ZNF469: variants seen among roughly 807,000 people sequenced by gnomAD.
ZNF469 encodes zinc finger protein 469.
Under a neutral mutation model 1.0 loss-of-function variants are expected in ZNF469, and 1 was observed. The observed-to-expected ratio is 1.00, with a 90% CI of 0.35 to 4.73. ZNF469 has a LOEUF of 4.73. Among genes scored for constraint, ZNF469 ranks in the 30% most tolerant of loss-of-function variants. ZNF469 has a pLI of 0.16. For synonymous variants in ZNF469, 2,703 were observed against 2,363.4 expected, an observed-to-expected ratio of 1.14 and a Z score of -4.17; for missense variants, 6,100 against 5,356.3, an observed-to-expected ratio of 1.14 and a Z score of -4.33.
At chr16:88,415,632 G>A (rs1213811721) in intron 1 of ZNF469, among the ~76,000 whole-genome samples, 1 of 152,228 alleles carries the variant, frequency 6.6e-6, no homozygotes, top group Non-Finnish European at 1.5e-5. Flanking sequence ...TCCAGGGGCA[G>A]GAGGACACGG....
intron 1 of ZNF469, among the ~76,000 whole-genome samples, chr16:88,387,261 C>A (rs565072900): frequency 1.3e-5 from 2 of 152,334 alleles, no homozygotes; most frequent in African/African-American, 4.8e-5. Context: ...GGCCTTGGCC[C>A]TCCTCAGGTG....
the ZNF469 span, among the ~76,000 whole-genome samples, chr16:88,324,286 T>C: frequency 6.6e-6 from 1 of 152,152 alleles, no homozygotes; most frequent in Admixed American, 6.5e-5. Flanking sequence ...GGCCAAGAAG[T>C]AAAAAGGTCC....
chr16:88,271,995 G>T, the ZNF469 span, among the ~76,000 whole-genome samples: 2 of 152,110 alleles, frequency 1.3e-5, no homozygotes, highest in African/African-American at 4.8e-5. Context: ...TGGTTGGGTA[G>T]TTGAATGGGT....
the ZNF469 span, among the ~76,000 whole-genome samples, chr16:88,343,977 T>C: frequency 6.6e-6 from 1 of 152,100 alleles, no homozygotes; most frequent in African/African-American, 2.4e-5. Context: ...TGAGTCCTTT[T>C]GATGGTGTGG....
rs1247638868 is a variant in ZNF469 at position 88,436,101 on chromosome 16, C to T, written c.8631C>T (p.Val2877=). 6.5e-7 allele frequency: 1 copy of T among 1,549,260 alleles called. No homozygotes were observed. The highest frequency in any genetic ancestry group is 2.0e-5 in the Admixed American group (1 of 51,016). Residue 2877 remains valine (V), a synonymous_variant, in exon 3 of 3, where the codon GTC becomes GTT. Transcript: ENST00000565624. ...TGACTAGAAAGAGGAACCCGCATGT[C>T]TACGGGAAGCGCTGTGAGAAGCCGG... ...GRLTRKRNPH[V]YGKRCEKPVL...
the ZNF469 span, among the ~76,000 whole-genome samples, chr16:88,213,342 G>C: frequency 1.3e-5 from 2 of 152,064 alleles, no homozygotes; most frequent in African/African-American, 4.8e-5. Context: ...CTCGTAATCC[G>C]CTCGCCTCGG....
chr16:88,226,685 C>T, the ZNF469 span, among the ~76,000 whole-genome samples: 1 of 151,950 alleles, frequency 6.6e-6, no homozygotes, highest in South Asian at 2.1e-4. Context: ...TCGCCCAGAC[C>T]TCGAATGTCC....
chr16:88,411,471 TGCAAGCAGGCAGGG>T (rs1905160989), intron 1 of ZNF469, among the ~76,000 whole-genome samples: 2 of 3,758 alleles, frequency 5.3e-4, no homozygotes, highest in African/African-American at 7.8e-4. Context: ...TGGGCAGGGG[TGCAAGCAGGCAGGG>T]GTGCGAGCGG....
At chr16:88,287,739 T>G in the ZNF469 span, among the ~76,000 whole-genome samples, 1 of 152,248 alleles carries the variant, frequency 6.6e-6, no homozygotes, top group South Asian at 2.1e-4. Flanking sequence ...TGACGCTACT[T>G]CTTGAAGTTC....
chr16:88,224,372 G>T, the ZNF469 span, among the ~76,000 whole-genome samples: 1 of 152,230 alleles, frequency 6.6e-6, no homozygotes, highest in African/African-American at 2.4e-5. Flanking sequence ...ATTTCTTCCT[G>T]GTTTTTAACG....
At chr16:88,310,499 C>T in the ZNF469 span, among the ~76,000 whole-genome samples, 1 of 152,148 alleles carries the variant, frequency 6.6e-6, no homozygotes, top group African/African-American at 2.4e-5. Context: ...TGCACTTCCC[C>T]CTTTGTTTTT....
In ZNF469 at chr16:88,428,477, C is replaced by A; in HGVS notation, c.1007C>A (p.Pro336His). The A allele has an allele frequency of 6.5e-7, 1 of 1,549,376 alleles. No individual in the cohort carries two copies. Among genetic ancestry groups the A allele is most frequent in the Non-Finnish European group, 8.7e-7 (1 of 1,146,798 alleles). The change falls in exon 3 of 3, where the codon CCC (proline) becomes CAC (histidine). Residue 336 changes from proline to histidine, a missense_variant. By Grantham distance (77) the Pro-to-His change is moderately conservative. Coordinates refer to ENST00000565624, the MANE Select transcript of ZNF469 (RefSeq NM_001367624.2). ...LPTQPAPSPL[P>H]CYQGQPGGLN... ...ACCCAGCCTGCGCCCTCACCCCTGC[C>A]CTGCTACCAGGGCCAGCCAGGTGGC...
the ZNF469 span, among the ~76,000 whole-genome samples, chr16:88,185,800 C>T: frequency 1.1e-4 from 17 of 148,074 alleles, no homozygotes; most frequent in African/African-American, 3.0e-4. Context: ...ATATAGTACT[C>T]GCACACACAC....
At position 88,438,634 on chromosome 16, in the gene ZNF469, G is replaced by A. The variant is rs549874193; in HGVS notation, c.11164G>A (p.Ala3722Thr). Reference protein sequence around the residue: ...ARGTENGMKPATPKAKPGPSS... With the variant: ...ARGTENGMKPTTPKAKPGPSS... ...TGGCACAGAGAATGGGATGAAGCCC[G>A]CCACCCCCAAAGCCAAACCCGGCCC... The change falls in exon 3 of 3, where the codon GCC (alanine) becomes ACC (threonine). Residue 3722 changes from alanine to threonine, a missense_variant. Transcript: ENST00000565624. 4.4e-5 allele frequency: 68 copies of A among 1,550,022 alleles called. No individual in the cohort carries two copies. The Admixed American group carries it at 4.9e-4, about 11-fold the overall frequency.
chr16:88,407,439 C>A (rs1310683852), intron 1 of ZNF469, among the ~76,000 whole-genome samples: 1 of 152,238 alleles, frequency 6.6e-6, no homozygotes, highest in African/African-American at 2.4e-5. Flanking sequence ...GTATCTATAG[C>A]GTGGCCGATG....
the ZNF469 span, among the ~76,000 whole-genome samples, chr16:88,197,588 C>T: frequency 2.6e-5 from 4 of 152,208 alleles, no homozygotes; most frequent in East Asian, 7.7e-4. Flanking sequence ...TAACAAACTA[C>T]CCCCAACTCA....
At chr16:88,332,637 G>T in the ZNF469 span, among the ~76,000 whole-genome samples, 1 of 152,232 alleles carries the variant, frequency 6.6e-6, no homozygotes, top group Admixed American at 6.5e-5. Context: ...CAGGGAGAGG[G>T]AAGGCACCAT....
At chr16:88,120,328 G>A in the ZNF469 span, among the ~76,000 whole-genome samples, 1 of 152,272 alleles carries the variant, frequency 6.6e-6, no homozygotes, top group South Asian at 2.1e-4. Context: ...TGCTGCATGT[G>A]TGTGTTACAG....
intron 1 of ZNF469, among the ~76,000 whole-genome samples, chr16:88,393,485 C>A (rs1444005839): frequency 6.6e-6 from 1 of 152,204 alleles, no homozygotes; most frequent in Non-Finnish European, 1.5e-5. Flanking sequence ...GGGGGGCCTG[C>A]CGTAGGCGGG....
Sources: gnomAD v4.1 joint callset for allele counts (sites outside exome capture counted in the v4.1 genomes callset) on GRCh38, gnomAD v4.1.1 for gene constraint, MANE v1.5 for transcripts, NCBI Gene and HGNC (gene_info 2026-07-23, HGNC 2026-07-21) for gene names.